Variants in PREX2 observed in about 807,000 individuals in gnomAD.
The protein encoded by PREX2 is phosphatidylinositol-3,4,5-trisphosphate dependent Rac exchange factor 2, also known as phosphatidylinositol 3,4,5-trisphosphate-dependent Rac exchanger 2 protein.
Under a neutral mutation model 203.2 loss-of-function variants are expected in PREX2, and 107 were observed. The ratio of observed to expected loss-of-function variants is 0.53; its 90% confidence interval spans 0.45 to 0.62. The LOEUF (loss-of-function observed/expected upper bound fraction) is 0.62, where lower values mean the gene tolerates loss of function less well. Among genes scored for constraint, PREX2 ranks in the 20% least tolerant of loss-of-function variants. PREX2 has a pLI of 0.00. For missense variants in PREX2, 1,777 were observed against 1,955.9 expected (o/e 0.91, Z 1.72); for synonymous variants, 672 against 663.6 (o/e 1.01, Z -0.19).
chr8:68,175,960 T>C (rs1490096889), intron 35 of PREX2, among the ~76,000 whole-genome samples: 1 of 152,118 alleles, frequency 6.6e-6, no homozygotes, highest in Non-Finnish European at 1.5e-5. Context: ...TCAAGCAGAA[T>C]TGAAAGCCTA....
chr8:68,024,864 T>A (rs1047103520), intron 4 of PREX2, among the ~76,000 whole-genome samples: 4 of 152,008 alleles, frequency 2.6e-5, no homozygotes, highest in African/African-American at 9.7e-5. Context: ...AAATCCATAT[T>A]AGGTTAATGC....
intron 35 of PREX2, among the ~76,000 whole-genome samples, chr8:68,167,973 A>C: frequency 6.6e-6 from 1 of 152,154 alleles, no homozygotes; most frequent in East Asian, 1.9e-4. Flanking sequence ...TGTTTTAATA[A>C]ACTTGGTGGG....
rs538826406 is a variant in PREX2, at chr8:68,092,044, G to A, written c.2250+1329G>A. ...ACGTGGCTGCATTCTGCTGGGACCC[G>A]ACTTTTGCTTCCCCTGTTCGTGGCC... is the stretch of plus-strand genomic sequence containing the variant. On this transcript the variant is annotated intron_variant, in intron 20 of 39. Transcript: ENST00000288368. Among the ~76,000 whole-genome samples, 10 of 152,246 alleles carry A rather than the reference G, an allele frequency of 6.6e-5. No homozygotes were observed. The South Asian group carries it at 8.3e-4, about 13-fold the overall frequency.
intron 5 of PREX2, among the ~76,000 whole-genome samples, chr8:68,028,184 G>A (rs980602326): frequency 6.6e-6 from 1 of 151,624 alleles, no homozygotes; most frequent in African/African-American, 2.4e-5. Context: ...AGACCTATGG[G>A]AATGTGTGTA....
At chr8:68,121,671 G>A (rs77817639) in intron 30 of PREX2, among the ~76,000 whole-genome samples, 6,542 of 152,154 alleles carry the variant, frequency 0.043, 424 homozygotes, top group African/African-American at 0.14. Context: ...GATTATGGTG[G>A]AAAAGATAAA....
intron 6 of PREX2, among the ~76,000 whole-genome samples, chr8:68,033,319 C>T (rs1338137793): frequency 6.6e-6 from 1 of 152,084 alleles, no homozygotes. Context: ...AATACCTCTC[C>T]TACACAGAGT....
At chr8:68,068,981 C>A in intron 11 of PREX2, 52 bp from the exon 12 acceptor site, 2 of 698,420 alleles carry the variant, frequency 2.9e-6, no homozygotes, top group South Asian at 2.5e-5. Flanking sequence ...TGCTGTTTAT[C>A]TGCCCCCTTT....
chr8:68,189,716 G>A (rs151104555), intron 35 of PREX2, among the ~76,000 whole-genome samples: 6 of 152,246 alleles, frequency 3.9e-5, no homozygotes, highest in African/African-American at 1.4e-4. Flanking sequence ...GCTGCCTGGG[G>A]TTGCTGTAGC....
chr8:68,031,273 A>C (rs1563509233), intron 6 of PREX2, among the ~76,000 whole-genome samples: 1 of 152,186 alleles, frequency 6.6e-6, no homozygotes, highest in Admixed American at 6.6e-5. Flanking sequence ...TTGGAGTCCT[A>C]TGTTACTTTA....
rs1809488643 is a variant in PREX2 at position 68,080,570 on chromosome 8, AG to A, written c.1771del (p.Ala591LeufsTer5). On this transcript the variant is annotated frameshift_variant, in exon 16 of 40. Coordinates refer to ENST00000288368, the MANE Select transcript of PREX2 (RefSeq NM_024870.4). LOFTEE classifies it high-confidence loss of function. The part of the protein sequence containing the change: ...HDLKVVENVI[A>X]KSLLIKSNEG... The stretch of plus-strand genomic sequence containing the variant: ...ACTTAAAAGTTGTGGAAAATGTTAT[AG>A]CTAAGTCATTATTGGTAAGTTTATT... 1.9e-6 allele frequency: 3 copies of A among 1,603,660 alleles called. No homozygotes were observed. Among genetic ancestry groups the A allele is most frequent in the Non-Finnish European group, 1.7e-6 (2 of 1,172,836 alleles).
intron 8 of PREX2, among the ~76,000 whole-genome samples, chr8:68,052,347 C>T (rs973405375): frequency 1.3e-5 from 2 of 152,258 alleles, no homozygotes; most frequent in South Asian, 4.1e-4. Context: ...ATTCTCTACC[C>T]GCTGTTAGGC....
intron 38 of PREX2, chr8:68,220,181 G>T (rs1186209629): frequency 6.6e-6 from 1 of 151,796 alleles, no homozygotes; most frequent in African/African-American, 2.4e-5. Context: ...TGCAGATTTT[G>T]TGTATATACT....
chr8:68,061,049 A>G (rs928940941), intron 11 of PREX2, among the ~76,000 whole-genome samples: 3 of 152,208 alleles, frequency 2.0e-5, no homozygotes, highest in African/African-American at 4.8e-5. Flanking sequence ...GGTTAGTTCT[A>G]TAGTAATTAG....
chr8:68,218,237 C>G (rs750219495), intron 38 of PREX2, among the ~76,000 whole-genome samples: 6 of 152,104 alleles, frequency 3.9e-5, no homozygotes, highest in Non-Finnish European at 7.3e-5. Context: ...TTTGGACTGT[C>G]TTCGGGTCAC....
Position 68,192,453 on chromosome 8 carries a change from T to C in PREX2, c.4532T>C (p.Leu1511Pro), listed in dbSNP as rs1356445283. ...TGCAGTGCTTCTGGGGTTGGACTGC[T>C]GTCAGTTTCCTCGGAGCTGTGCAAC... ...TACSASGVGL[L>P]SVSSELCNRL... The change falls in exon 37 of 40, where the codon CTG becomes CCG. Residue 1511 changes from leucine (L) to proline (P), a missense_variant. Leu to Pro is a moderately conservative substitution (Grantham distance 98). Transcript: ENST00000288368. 1 of 1,613,910 alleles carries C rather than the reference T, an allele frequency of 6.2e-7. No homozygotes were observed. The highest frequency in any genetic ancestry group is 1.3e-5 in the African/African-American group (1 of 74,950).
At chr8:68,039,745 A>G (rs1808139319) in intron 7 of PREX2, among the ~76,000 whole-genome samples, 1 of 152,062 alleles carries the variant, frequency 6.6e-6, no homozygotes. Context: ...TTTTCCCTCA[A>G]CATCCCACAT....
rs1255678608 is a variant in PREX2, at chr8:67,976,497, CAGAG to C, written c.141+23967_141+23970del. On this transcript the variant is annotated intron_variant, in intron 1 of 39. Transcript: ENST00000288368. ...CAGAGAGAGAGAGAGGGGAGAGAGA[CAGAG>C]AGAGGGACAGACAGAGACAGAGACA... 9.8e-5 allele frequency among the ~76,000 whole-genome samples: 7 copies of C among 71,406 alleles called. 1 individual carries two copies. The highest frequency in any genetic ancestry group is 3.8e-4 in the Admixed American group (2 of 5,250). 46.8% of individuals were successfully genotyped at this position (71,406 alleles called of 152,430 possible).
At chr8:68,164,352 A>T (rs201898030) in intron 35 of PREX2, among the ~76,000 whole-genome samples, 32 of 20,706 alleles carry the variant, frequency 1.5e-3, no homozygotes, top group South Asian at 8.7e-3. Flanking sequence ...AATATGTATT[A>T]TATATATATA....
intron 25 of PREX2, among the ~76,000 whole-genome samples, chr8:68,113,269 G>C (rs1362403544): frequency 2.0e-5 from 3 of 152,140 alleles, no homozygotes; most frequent in African/African-American, 7.2e-5. Flanking sequence ...GCAAATATCT[G>C]AATACAATTC....
Sources: allele counts gnomAD v4.1 joint callset (sites outside exome capture counted in the v4.1 genomes callset), GRCh38; gene constraint gnomAD v4.1.1; transcripts MANE v1.5; gene names NCBI Gene and HGNC (gene_info 2026-07-23, HGNC 2026-07-21).